Variants in E2F5 observed in about 807,000 individuals in gnomAD.
The protein encoded by E2F5 is transcription factor E2F5.
A neutral mutation model predicts 39.1 loss-of-function variants in E2F5; 23 were observed. That is an observed-to-expected ratio of 0.59 (90% CI 0.42 to 0.83). The LOEUF is 0.83. E2F5 is among the 40% of genes least tolerant of loss of function. The probability of loss-of-function intolerance (pLI) is 0.00; values close to 1 mark genes in which losing one functional copy is unlikely to be tolerated. For synonymous variants in E2F5, 145 were observed against 157.8 expected, an observed-to-expected ratio of 0.92 and a Z score of 0.61; for missense variants, 365 against 406.7, an observed-to-expected ratio of 0.90 and a Z score of 0.88.
intron 1 of E2F5, among the ~76,000 whole-genome samples, chr8:85,195,909 A>C (rs1812569158): frequency 6.6e-6 from 1 of 152,156 alleles, no homozygotes; most frequent in African/African-American, 2.4e-5. Context: ...CACTTTATCA[A>C]ATATCTTTTT....
chr8:85,213,927 C>G lies in E2F5; in HGVS notation c.*65C>G, dbSNP rs1813021391. The G allele has an allele frequency of 3.3e-6, 3 of 921,046 alleles. No individual in the cohort carries two copies. The highest frequency in any genetic ancestry group is 3.3e-5 in the African/African-American group (2 of 59,804). The allele number at this position is 921,046 out of a possible 1,614,324, so 57.1% of individuals were successfully genotyped here. On this transcript the variant is annotated 3_prime_UTR_variant, in exon 8 of 8. Transcript: ENST00000416274. ...TGTAACATTTTAGACTTCTTAATAA[C>G]CTAAATATTTAAAATAATGAATGTA...
Position 85,177,501 on chromosome 8 carries a change from T to A in E2F5, c.81T>A (p.Pro27=). Residue 27 remains proline (P), a synonymous_variant, in exon 1 of 8, where the codon CCT becomes CCA. Transcript: ENST00000416274. ...AGGGCCAGCGGCCGCCGCCGCAGCC[T>A]CCGCAGGCGCAAGCCCCGCAGCCGC... ...QGQGQRPPPQ[P]PQAQAPQPPP... 9.3e-7 allele frequency: 1 copy of A among 1,079,000 alleles called. No individual in the cohort carries two copies. Among genetic ancestry groups the A allele is most frequent in the Non-Finnish European group, 1.1e-6 (1 of 892,628 alleles). The allele number at this position is 1,079,000 out of a possible 1,614,324, so 66.8% of individuals were successfully genotyped here. A position where few individuals can be genotyped will look rare whatever the true frequency, so the allele number is the denominator to read the frequency against.
chr8:85,211,220 T>TAAAAA (rs5892938), intron 6 of E2F5, among the ~76,000 whole-genome samples: 1 of 112,480 alleles, frequency 8.9e-6, no homozygotes, highest in African/African-American at 3.5e-5. Context: ...ACCCTATCTC[T>TAAAAA]AAAAAAAAAA....
intron 6 of E2F5, among the ~76,000 whole-genome samples, chr8:85,211,320 C>T (rs1812915873): frequency 6.6e-6 from 1 of 151,588 alleles, no homozygotes; most frequent in South Asian, 2.1e-4. Flanking sequence ...GGGAGGATTG[C>T]AAGCCTGGGA....
At chr8:85,202,306 C>T (rs1318016063) in intron 2 of E2F5, 50 bp downstream of exon 2, 1 of 1,356,770 alleles carries the variant, frequency 7.4e-7, no homozygotes, top group Non-Finnish European at 1.0e-6. Flanking sequence ...CTTCTCAGTG[C>T]TCTGTAAAAT....
chr8:85,202,416 G>A (rs4150937), intron 2 of E2F5, among the ~76,000 whole-genome samples, 160 bp downstream of exon 2: 3,699 of 152,208 alleles, frequency 0.024, 152 homozygotes, highest in African/African-American at 0.085. Context: ...TCACTCCTGT[G>A]TTGGGTGTTC....
chr8:85,205,866 A>G (rs1453686246), intron 3 of E2F5, among the ~76,000 whole-genome samples: 1 of 151,990 alleles, frequency 6.6e-6, no homozygotes, highest in East Asian at 1.9e-4. Flanking sequence ...ATGGTTGCTG[A>G]TGGCCTCCTT....
intron 1 of E2F5, among the ~76,000 whole-genome samples, chr8:85,182,082 ATC>A (rs1274999453): frequency 6.6e-6 from 1 of 152,216 alleles, no homozygotes; most frequent in African/African-American, 2.4e-5. Context: ...TTTATTCATT[ATC>A]TCTGCAGCTT....
At chr8:85,185,165 A>G (rs1416153584) in intron 1 of E2F5, among the ~76,000 whole-genome samples, 1 of 152,206 alleles carries the variant, frequency 6.6e-6, no homozygotes, top group Non-Finnish European at 1.5e-5. Flanking sequence ...CAAAACAGAT[A>G]TATAGACCAA....
chr8:85,178,399 C>G (rs1196683222), intron 1 of E2F5, among the ~76,000 whole-genome samples: 1 of 152,080 alleles, frequency 6.6e-6, no homozygotes, highest in Non-Finnish European at 1.5e-5. Flanking sequence ...TCTCTCCCTG[C>G]GTCGTCCTTT....
intron 3 of E2F5, 48 bp downstream of exon 3, chr8:85,203,303 T>C: frequency 7.0e-7 from 1 of 1,421,036 alleles, no homozygotes; most frequent in Non-Finnish European, 9.3e-7. Flanking sequence ...TTGGAATATG[T>C]ATGTATAAAT....
chr8:85,214,450 G>C lies in E2F5; in HGVS notation c.*588G>C, dbSNP rs1813047378. 3.9e-6 allele frequency: 3 copies of C among 766,486 alleles called. No individual in the cohort carries two copies. The East Asian group carries it at 7.7e-5, about 20-fold the overall frequency. 47.5% of individuals were successfully genotyped at this position (766,486 alleles called of 1,614,324 possible). On this transcript the variant is annotated 3_prime_UTR_variant, in exon 8 of 8. Coordinates refer to ENST00000416274, the MANE Select transcript of E2F5 (RefSeq NM_001951.4). ...TAGGAAAGATCTGTTTATGTAGTTTGTTTTTAAAATGTGCCAATGCCTGTA... is the reference window on the plus strand; with the variant it reads ...TAGGAAAGATCTGTTTATGTAGTTTCTTTTTAAAATGTGCCAATGCCTGTA...
rs368935126 is a variant in E2F5 at position 85,206,136 on chromosome 8, G to A, written c.507-41G>A. 85 of 1,590,798 alleles carry A rather than the reference G, an allele frequency of 5.3e-5. 1 individual carries two copies. The highest frequency in any genetic ancestry group is 2.8e-4 in the African/African-American group (21 of 74,424). ...GTATTACCTTAATTTAAATGCCTAC[G>A]GCTTGATATAAATGTCGTTCCTTAA... On this transcript the variant is annotated intron_variant, in intron 3 of 7. Transcript: ENST00000416274.
chr8:85,206,143 T>C lies in E2F5; in HGVS notation c.507-34T>C, dbSNP rs181053625. On this transcript the variant is annotated intron_variant, in intron 3 of 7. Transcript: ENST00000416274. ...CTTAATTTAAATGCCTACGGCTTGA[T>C]ATAAATGTCGTTCCTTAACTCCTAT... 1.6e-5 allele frequency: 26 copies of C among 1,602,628 alleles called. No homozygotes were observed. The East Asian group carries it at 4.9e-4, about 30-fold the overall frequency.
In E2F5 at chr8:85,177,695, C is replaced by T. The variant is rs779707189; in HGVS notation, c.234+41C>T. 4.9e-6 allele frequency: 6 copies of T among 1,231,024 alleles called. No homozygotes were observed. The African/African-American group carries it at 7.8e-5, about 16-fold the overall frequency. The allele number at this position is 1,231,024 out of a possible 1,614,324, so 76.3% of individuals were successfully genotyped here. On this transcript the variant is annotated intron_variant, in intron 1 of 7. Coordinates refer to ENST00000416274, the MANE Select transcript of E2F5 (RefSeq NM_001951.4). ...GGGGACGGGGGCGGACTTCGGAACC[C>T]GTGGCCCCCGGGGAAGCCCAGCCCC...
chr8:85,194,456 A>T (rs1264433248), intron 1 of E2F5, among the ~76,000 whole-genome samples: 1 of 151,934 alleles, frequency 6.6e-6, no homozygotes, highest in African/African-American at 2.4e-5. Context: ...TTATCCTTTA[A>T]GCAATGAAAT....
chr8:85,202,343 C>T (rs1454897942), intron 2 of E2F5, 87 bp downstream of exon 2: 14 of 956,490 alleles, frequency 1.5e-5, no homozygotes, highest in Middle Eastern at 6.4e-4. Flanking sequence ...TTCTATCTCC[C>T]AAATCCTCTA....
intron 1 of E2F5, among the ~76,000 whole-genome samples, chr8:85,186,546 G>C (rs2136043033): frequency 6.8e-6 from 1 of 147,708 alleles, no homozygotes; most frequent in South Asian, 2.1e-4. Context: ...ATATATATAT[G>C]GTATATACAT....
chr8:85,205,874 C>A (rs1812792860), intron 3 of E2F5, among the ~76,000 whole-genome samples: 1 of 151,804 alleles, frequency 6.6e-6, no homozygotes, highest in African/African-American at 2.4e-5. Flanking sequence ...TGATGGCCTC[C>A]TTTTCCCCAT....
Sources: gnomAD v4.1 joint callset for allele counts (sites outside exome capture counted in the v4.1 genomes callset) on GRCh38, gnomAD v4.1.1 for gene constraint, MANE v1.5 for transcripts, NCBI Gene and HGNC (gene_info 2026-07-23, HGNC 2026-07-21) for gene names.